RBFOX1: variants seen among roughly 807,000 people sequenced by gnomAD.
The protein encoded by RBFOX1 is RNA binding fox-1 homolog 1, also known as RNA binding protein fox-1 homolog 1.
In RBFOX1, 8 loss-of-function variants were observed where a neutral mutation model predicts 57.7. The observed-to-expected ratio is 0.14, with a 90% confidence interval of 0.08 to 0.25. The LOEUF is 0.25. Among genes scored for constraint, RBFOX1 ranks in the 10% least tolerant of loss-of-function variants. The pLI is 1.00. For synonymous variants in RBFOX1, 326 were observed against 222.4 expected (o/e 1.47, Z -4.15); for missense variants, 611 against 548.5 (o/e 1.11, Z -1.14).
intron 1 of RBFOX1, among the ~76,000 whole-genome samples, chr16:6,129,713 A>AAT (rs939477580): frequency 6.6e-6 from 1 of 151,014 alleles, no homozygotes; most frequent in Non-Finnish European, 1.5e-5. Flanking sequence ...AAAAAAAAAA[A>AAT]AAAGAACTAA....
At chr16:6,192,212 C>A (rs747819033) in intron 1 of RBFOX1, among the ~76,000 whole-genome samples, 19 of 152,198 alleles carry the variant, frequency 1.2e-4, no homozygotes, top group South Asian at 4.1e-4. Flanking sequence ...CCCAGCACAC[C>A]CCTCGGGACC....
chr16:5,676,885 G>C (rs2050184280), intron 3 of RBFOX1, among the ~76,000 whole-genome samples: 1 of 152,070 alleles, frequency 6.6e-6, no homozygotes, highest in Admixed American at 6.6e-5. Context: ...GCTCAGAACA[G>C]TGCCTGGGCA....
intron 4 of RBFOX1, among the ~76,000 whole-genome samples, chr16:5,999,801 T>A (rs9302814): frequency 1.4e-5 from 2 of 145,072 alleles, no homozygotes; most frequent in Non-Finnish European, 3.0e-5. Flanking sequence ...GCGGAGCTTG[T>A]GGTGAGCAGA....
At chr16:7,710,164 A>C in intron 15 of RBFOX1, 3 of 1,027,728 alleles carry the variant, frequency 2.9e-6, no homozygotes, top group Non-Finnish European at 3.5e-6. Flanking sequence ...GATTCCATAC[A>C]GCTTACAGAG....
intron 1 of RBFOX1, among the ~76,000 whole-genome samples, chr16:5,455,384 G>T (rs1334875925): frequency 6.6e-6 from 1 of 152,022 alleles, no homozygotes; most frequent in African/African-American, 2.4e-5. Context: ...TATCACTTAT[G>T]CCATACTCTG....
chr16:6,201,239 G>A (rs1053522403), intron 1 of RBFOX1, among the ~76,000 whole-genome samples: 1 of 152,030 alleles, frequency 6.6e-6, no homozygotes, highest in African/African-American at 2.4e-5. Context: ...CCATTCCTTG[G>A]CTATTGTGAG....
At chr16:7,673,678 C>G (rs1028418687) in intron 13 of RBFOX1, among the ~76,000 whole-genome samples, 4 of 152,120 alleles carry the variant, frequency 2.6e-5, no homozygotes, top group Non-Finnish European at 5.9e-5. Flanking sequence ...CTTTGGTGGC[C>G]TCACTCATTT....
intron 1 of RBFOX1, among the ~76,000 whole-genome samples, chr16:6,206,475 G>A (rs115669146): frequency 0.01 from 1,569 of 152,064 alleles, 28 homozygotes; most frequent in African/African-American, 0.036. Flanking sequence ...TTTGTCATCC[G>A]CTTTCCTCAC....
intron 1 of RBFOX1, among the ~76,000 whole-genome samples, chr16:6,301,321 TTTTGTTTG>T (rs1221488848): frequency 6.6e-6 from 1 of 152,142 alleles, no homozygotes; most frequent in Non-Finnish European, 1.5e-5. Context: ...TTAAGTGGGC[TTTTGTTTG>T]TTTGTTTGTT....
intron 2 of RBFOX1, among the ~76,000 whole-genome samples, chr16:6,383,678 G>T (rs1342924274): frequency 6.6e-6 from 1 of 152,078 alleles, no homozygotes; most frequent in Admixed American, 6.5e-5. Flanking sequence ...GCTGAGGCAG[G>T]AGAATTGCAT....
intron 4 of RBFOX1, among the ~76,000 whole-genome samples, chr16:7,295,441 G>T (rs962684695): frequency 6.6e-6 from 1 of 152,142 alleles, no homozygotes; most frequent in Non-Finnish European, 1.5e-5. Flanking sequence ...GCTATATATT[G>T]AGTGGTTGCT....
intron 2 of RBFOX1, among the ~76,000 whole-genome samples, chr16:6,366,422 C>G (rs1464935818): frequency 2.0e-5 from 3 of 152,064 alleles, no homozygotes; most frequent in African/African-American, 4.8e-5. Flanking sequence ...ATCATGTCCC[C>G]TACTTTTTCT....
intron 2 of RBFOX1, among the ~76,000 whole-genome samples, chr16:6,645,302 C>T (rs567991253): frequency 2.0e-5 from 3 of 152,286 alleles, no homozygotes; most frequent in African/African-American, 4.8e-5. Flanking sequence ...AGGGACTAGT[C>T]GGCTTGAGCA....
At chr16:6,596,327 A>G (rs1347375961) in intron 2 of RBFOX1, among the ~76,000 whole-genome samples, 1 of 152,158 alleles carries the variant, frequency 6.6e-6, no homozygotes, top group African/African-American at 2.4e-5. Context: ...ATCTTTGCAT[A>G]TGGATATCCA....
intron 3 of RBFOX1, among the ~76,000 whole-genome samples, chr16:7,027,688 A>C (rs2041385974): frequency 6.6e-6 from 1 of 152,220 alleles, no homozygotes; most frequent in Non-Finnish European, 1.5e-5. Context: ...GTTTCCAGAC[A>C]GAAGAGGAAT....
At chr16:7,165,348 G>A (rs932598889) in intron 4 of RBFOX1, among the ~76,000 whole-genome samples, 9 of 148,190 alleles carry the variant, frequency 6.1e-5, no homozygotes, top group South Asian at 2.1e-4. Context: ...TGAAAAAATG[G>A]ACTTAATGGC....
intron 2 of RBFOX1, among the ~76,000 whole-genome samples, chr16:5,482,333 G>C (rs2069574413): frequency 6.6e-6 from 1 of 152,150 alleles, no homozygotes; most frequent in Admixed American, 6.5e-5. Context: ...GTACTGGGAG[G>C]TAGAGACTTT....
intron 12 of RBFOX1, among the ~76,000 whole-genome samples, chr16:7,659,645 G>C (rs775862867): frequency 2.0e-5 from 3 of 152,228 alleles, no homozygotes; most frequent in African/African-American, 7.2e-5. Flanking sequence ...ATGGATTTGT[G>C]TTGGGGCTGC....
At chr16:6,720,798 C>T (rs532739971) in intron 3 of RBFOX1, among the ~76,000 whole-genome samples, 1 of 152,246 alleles carries the variant, frequency 6.6e-6, no homozygotes, top group Admixed American at 6.5e-5. Context: ...AAAGTAGGTA[C>T]TTCTGAAGGA....
Sources: gnomAD v4.1 joint callset for allele counts (sites outside exome capture counted in the v4.1 genomes callset) on GRCh38, gnomAD v4.1.1 for gene constraint, MANE v1.5 for transcripts, NCBI Gene and HGNC (gene_info 2026-07-23, HGNC 2026-07-21) for gene names.